LYPD6B: variants seen among roughly 807,000 people sequenced by gnomAD.
LYPD6B encodes ly6/PLAUR domain-containing protein 6B.
Under a neutral mutation model 22.8 loss-of-function variants are expected in LYPD6B, and 17 were observed. The ratio of observed to expected loss-of-function variants is 0.75; its 90% confidence interval spans 0.51 to 1.12. The LOEUF (loss-of-function observed/expected upper bound fraction) is 1.12. Ranked by LOEUF, LYPD6B falls within the 50% of genes most tolerant of loss-of-function variation. The probability of loss-of-function intolerance (pLI) is 0.00; values close to 1 mark genes in which losing one functional copy is unlikely to be tolerated. For missense variants in LYPD6B, 221 were observed against 258.3 expected (o/e 0.86, Z 0.99); for synonymous variants, 106 against 91.6 (o/e 1.16, Z -0.90).
At chr2:149,087,756 G>A (rs1558990215) in intron 1 of LYPD6B, among the ~76,000 whole-genome samples, 1 of 152,134 alleles carries the variant, frequency 6.6e-6, no homozygotes, top group Non-Finnish European at 1.5e-5. Context: ...ACCTGCATCA[G>A]AATCAAATGC....
intron 1 of LYPD6B, among the ~76,000 whole-genome samples, chr2:149,127,380 G>A (rs1402841525): frequency 6.6e-6 from 1 of 152,106 alleles, no homozygotes; most frequent in Non-Finnish European, 1.5e-5. Flanking sequence ...TGGAACTTGG[G>A]ATCAGGACTG....
At position 149,214,878 on chromosome 2, in the gene LYPD6B, GC is replaced by G; in HGVS notation, c.*170del. 1.4e-6 allele frequency: 1 copy of G among 707,248 alleles called. No homozygotes were observed. The allele number at this position is 707,248 out of a possible 1,614,324, so 43.8% of individuals were successfully genotyped here. ...CTTGGATAAAATGTTCCCGCATGAG[GC>G]CACAGGACTGAGGATGGGAATTTGG... On this transcript the variant is annotated 3_prime_UTR_variant, in exon 7 of 7. Transcript: ENST00000409642.
intron 1 of LYPD6B, among the ~76,000 whole-genome samples, chr2:149,057,067 A>G (rs1042050109): frequency 2.0e-5 from 3 of 152,220 alleles, no homozygotes; most frequent in Non-Finnish European, 2.9e-5. Flanking sequence ...AAAGAGTGAA[A>G]GTAAAGCAAT....
chr2:149,199,069 A>T (rs1693002177), intron 3 of LYPD6B, among the ~76,000 whole-genome samples: 1 of 152,176 alleles, frequency 6.6e-6, no homozygotes, highest in Admixed American at 6.5e-5. Flanking sequence ...ACTTGATCTG[A>T]TCTCTATTCT....
At chr2:149,184,767 A>G (rs1331296514) in intron 3 of LYPD6B, among the ~76,000 whole-genome samples, 1 of 152,138 alleles carries the variant, frequency 6.6e-6, no homozygotes, top group Non-Finnish European at 1.5e-5. Context: ...GTTTTGAGTT[A>G]ATGGTGAGAA....
chr2:149,184,667 G>A (rs1691973971), intron 3 of LYPD6B, among the ~76,000 whole-genome samples: 1 of 152,174 alleles, frequency 6.6e-6, no homozygotes, highest in Admixed American at 6.5e-5. Flanking sequence ...ATGGAAGTTT[G>A]TGATTTGACA....
At chr2:149,107,591 A>G (rs1202282196) in intron 1 of LYPD6B, among the ~76,000 whole-genome samples, 2 of 152,218 alleles carry the variant, frequency 1.3e-5, no homozygotes, top group Non-Finnish European at 2.9e-5. Context: ...TTAATTCAGA[A>G]CAATTTTAAA....
At chr2:149,108,573 A>G (rs574911767) in intron 1 of LYPD6B, among the ~76,000 whole-genome samples, 1 of 152,098 alleles carries the variant, frequency 6.6e-6, no homozygotes, top group African/African-American at 2.4e-5. Context: ...TCTATTTTTA[A>G]CCTGTTTATG....
chr2:149,066,289 T>C (rs1395134786), intron 1 of LYPD6B, among the ~76,000 whole-genome samples: 1 of 152,146 alleles, frequency 6.6e-6, no homozygotes, highest in Non-Finnish European at 1.5e-5. Context: ...AACTTGTCAT[T>C]TACATTAGAT....
At position 149,049,238 on chromosome 2, in the gene LYPD6B, C is replaced by T. The variant is rs77715379; in HGVS notation, c.-67+10437C>T. On this transcript the variant is annotated intron_variant, in intron 1 of 6. Coordinates refer to ENST00000409642, the MANE Select transcript of LYPD6B (RefSeq NM_177964.5). ...GTTCTTCTCATTTCACTTTCAATGA[C>T]TCTCTCATCATTGAAATGTACCCTT... Among the ~76,000 whole-genome samples, 496 of 152,258 alleles carry T rather than the reference C, an allele frequency of 3.3e-3. 3 individuals carry two copies. The highest frequency in any genetic ancestry group is 5.9e-3 in the Non-Finnish European group (398 of 68,018).
At position 149,214,708 on chromosome 2, in the gene LYPD6B, T is replaced by G; in HGVS notation, c.622T>G (p.Ter208GlyextTer5). 6.2e-7 allele frequency: 1 copy of G among 1,613,964 alleles called. No individual in the cohort carries two copies. Among genetic ancestry groups the G allele is most frequent in the East Asian group, 2.2e-5 (1 of 44,868 alleles). Residue 208 changes from the stop codon to glycine, a stop_lost, in exon 7 of 7, where the codon TGA becomes GGA. Transcript: ENST00000409642. ...CTGGGTCTTTGTGCTTCCATTGCTG[T>G]GATGCCACCATTCCTAGGAGAGGCA... ...LAWVFVLPLL[*>G] is the part of the protein sequence containing the mutation.
chr2:149,121,805 G>A (rs1436384488), intron 1 of LYPD6B, among the ~76,000 whole-genome samples: 1 of 152,104 alleles, frequency 6.6e-6, no homozygotes, highest in Non-Finnish European at 1.5e-5. Context: ...GGATTGGAGG[G>A]AACACCTCAA....
chr2:149,040,374 G>A (rs1023138956), intron 1 of LYPD6B, among the ~76,000 whole-genome samples: 11 of 152,030 alleles, frequency 7.2e-5, no homozygotes, highest in African/African-American at 1.4e-4. Flanking sequence ...TACAGGCGCC[G>A]GCCACCACGT....
intron 3 of LYPD6B, among the ~76,000 whole-genome samples, chr2:149,199,205 C>T (rs1245313161): frequency 6.6e-6 from 1 of 152,228 alleles, no homozygotes; most frequent in Non-Finnish European, 1.5e-5. Flanking sequence ...ATCCACACCA[C>T]AACTTAGAAG....
At chr2:149,064,254 T>C (rs1273783666) in intron 1 of LYPD6B, among the ~76,000 whole-genome samples, 1 of 152,222 alleles carries the variant, frequency 6.6e-6, no homozygotes, top group African/African-American at 2.4e-5. Flanking sequence ...GGGTGAATTT[T>C]CTAGTATCTT....
At chr2:149,126,205 T>G (rs560190480) in intron 1 of LYPD6B, among the ~76,000 whole-genome samples, 4 of 152,320 alleles carry the variant, frequency 2.6e-5, no homozygotes, top group Admixed American at 6.5e-5. Flanking sequence ...TTGTGGTTGC[T>G]TTTGGTATTC....
intron 2 of LYPD6B, among the ~76,000 whole-genome samples, chr2:149,136,856 T>C (rs1688400743): frequency 1.3e-5 from 2 of 152,226 alleles, no homozygotes; most frequent in South Asian, 4.1e-4. Flanking sequence ...AGTACAAAGA[T>C]GTAGTTGCTG....
chr2:149,137,849 AT>A (rs1307061669), intron 2 of LYPD6B, among the ~76,000 whole-genome samples: 1 of 152,194 alleles, frequency 6.6e-6, no homozygotes, highest in Non-Finnish European at 1.5e-5. Context: ...AGGAATACAT[AT>A]TTTAAATTTT....
chr2:149,136,086 G>A (rs904883782), intron 2 of LYPD6B, among the ~76,000 whole-genome samples: 1 of 152,076 alleles, frequency 6.6e-6, no homozygotes, highest in Non-Finnish European at 1.5e-5. Flanking sequence ...ATGTAATAGC[G>A]GCTCCATATA....
Sources: allele counts gnomAD v4.1 joint callset (sites outside exome capture counted in the v4.1 genomes callset), GRCh38; gene constraint gnomAD v4.1.1; transcripts MANE v1.5; gene names NCBI Gene and HGNC (gene_info 2026-07-23, HGNC 2026-07-21).